PCDH15: variants seen among roughly 807,000 people sequenced by gnomAD.
The protein encoded by PCDH15 is protocadherin related 15.
A neutral mutation model predicts 178.5 loss-of-function variants in PCDH15; 129 were observed. That is an observed-to-expected ratio of 0.72 (90% CI 0.63 to 0.84). The LOEUF is 0.84. Ranked by LOEUF, PCDH15 falls within the 40% of genes least tolerant of loss-of-function variation. The pLI is 0.00. For synonymous variants in PCDH15, 800 were observed against 732.0 expected (o/e 1.09, Z -1.50); for missense variants, 2,230 against 2,099.9 (o/e 1.06, Z -1.21).
intron 18 of PCDH15, among the ~76,000 whole-genome samples, chr10:54,053,167 A>G (rs1014649419): frequency 6.6e-6 from 1 of 152,212 alleles, no homozygotes; most frequent in Non-Finnish European, 1.5e-5. Context: ...CATATATCCA[A>G]TATCAAAGCT....
rs572670582 is a variant in PCDH15, at chr10:55,430,871, T to G, written c.-156+196754A>C. 1.5e-3 allele frequency among the ~76,000 whole-genome samples: 234 copies of G among 152,266 alleles called. 2 individuals carry two copies. The highest frequency in any genetic ancestry group is 5.3e-3 in the African/African-American group (219 of 41,556). On this transcript the variant is annotated intron_variant, in intron 2 of 5. Transcript: ENST00000613346. Reference sequence around the variant, plus strand: ...GGAATTCACGACTACCCAGTTTATGTATAGAAAAAATGAAATGTTGAGAAA... The same window carrying G: ...GGAATTCACGACTACCCAGTTTATGGATAGAAAAAATGAAATGTTGAGAAA...
intron 2 of PCDH15, among the ~76,000 whole-genome samples, chr10:54,577,040 A>C (rs2133710929): frequency 6.6e-6 from 1 of 152,046 alleles, no homozygotes; most frequent in East Asian, 1.9e-4. Context: ...AGTGAAGATA[A>C]AAGAAGAGCA....
intron 1 of PCDH15, among the ~76,000 whole-genome samples, chr10:54,751,436 C>T (rs1454758911): frequency 7.2e-5 from 11 of 152,126 alleles, no homozygotes; most frequent in Non-Finnish European, 1.2e-4. Context: ...ATGGCACCTG[C>T]TAAATACATA....
chr10:54,307,007 TATATATAC>T (rs1424088751), intron 8 of PCDH15, among the ~76,000 whole-genome samples: 24 of 50,308 alleles, frequency 4.8e-4, no homozygotes, highest in Non-Finnish European at 7.1e-4. Context: ...TAAATATATA[TATATATAC>T]ATATATATAT....
chr10:54,761,881 A>G (rs541654862), intron 1 of PCDH15, among the ~76,000 whole-genome samples: 4 of 152,296 alleles, frequency 2.6e-5, no homozygotes, highest in African/African-American at 9.6e-5. Context: ...AATATTATTC[A>G]TAAGTAATTG....
At chr10:53,937,051 C>T (rs940680105) in intron 25 of PCDH15, among the ~76,000 whole-genome samples, 5 of 152,162 alleles carry the variant, frequency 3.3e-5, no homozygotes, top group Middle Eastern at 3.4e-3. Context: ...AATATTTTAG[C>T]TTTTAGACTT....
chr10:54,600,090 G>A (rs1253608640), intron 2 of PCDH15: 5 of 1,066,162 alleles, frequency 4.7e-6, no homozygotes, highest in South Asian at 2.7e-5. Flanking sequence ...AGGAATAGAA[G>A]GTAGAGAAAA....
chr10:54,118,252 T>C (rs963456157), intron 15 of PCDH15, among the ~76,000 whole-genome samples: 14 of 152,124 alleles, frequency 9.2e-5, no homozygotes, highest in African/African-American at 3.4e-4. Context: ...TCTGCAGCCA[T>C]CTGATCATTG....
At chr10:55,525,975 G>A (rs1333908697) in intron 2 of PCDH15, among the ~76,000 whole-genome samples, 3 of 151,902 alleles carry the variant, frequency 2.0e-5, no homozygotes, top group African/African-American at 7.2e-5. Flanking sequence ...TCATGAAAAT[G>A]AGTCATTAGA....
At chr10:54,021,068 A>G (rs2092906286) in intron 19 of PCDH15, among the ~76,000 whole-genome samples, 1 of 152,016 alleles carries the variant, frequency 6.6e-6, no homozygotes, top group South Asian at 2.1e-4. Context: ...CCTACAGGTT[A>G]TGGTCTCAGA....
At chr10:55,219,488 T>A (rs1840806945) in intron 1 of PCDH15, among the ~76,000 whole-genome samples, 1 of 151,826 alleles carries the variant, frequency 6.6e-6, no homozygotes, top group Non-Finnish European at 1.5e-5. Flanking sequence ...TTTTCTTGCA[T>A]ACATCGTATA....
At chr10:55,598,551 T>TATATATATATATATATAGATAGATAG (rs1842989601) in intron 2 of PCDH15, among the ~76,000 whole-genome samples, 1 of 64,912 alleles carries the variant, frequency 1.5e-5, no homozygotes, top group African/African-American at 7.6e-5. Flanking sequence ...TATATATATA[T>TATATATATATATATATAGATAGATAG]ATATATATAT....
chr10:54,379,515 G>A lies in PCDH15; in HGVS notation c.158-573C>T, dbSNP rs114466581. Among the ~76,000 whole-genome samples, 1,412 of 152,206 alleles carry A rather than the reference G, an allele frequency of 9.3e-3. 26 individuals are homozygous for A. Among genetic ancestry groups the A allele is most frequent in the African/African-American group, 0.032 (1,338 of 41,550 alleles). On this transcript the variant is annotated intron_variant, in intron 3 of 37. Coordinates refer to ENST00000644397, the MANE Select transcript of PCDH15 (RefSeq NM_001384140.1). ...TAGAAGCCATTCTTCTTTAAGACAT[G>A]TCTGGGTTACTCTACTAGAACAACG... is the stretch of plus-strand genomic sequence containing the variant.
intron 2 of PCDH15, among the ~76,000 whole-genome samples, chr10:55,478,157 C>T (rs1455172239): frequency 6.6e-6 from 1 of 151,514 alleles, no homozygotes; most frequent in Non-Finnish European, 1.5e-5. Context: ...ATTGATGCAC[C>T]TAAATACATG....
chr10:54,757,431 C>T (rs1392042015), intron 1 of PCDH15, among the ~76,000 whole-genome samples: 1 of 88,310 alleles, frequency 1.1e-5, no homozygotes, highest in Admixed American at 1.0e-4. Context: ...TACAGGCGCG[C>T]GCCACCATGC....
upstream of PCDH15, among the ~76,000 whole-genome samples, chr10:55,320,930 C>A (rs1250438251): frequency 6.6e-6 from 1 of 152,082 alleles, no homozygotes; most frequent in Non-Finnish European, 1.5e-5. Flanking sequence ...CCTATCCAGG[C>A]TGAAATGGCT....
rs564639040 is a variant in PCDH15, at chr10:53,810,495, G to A, written c.4671+61C>T. 1.2e-4 allele frequency: 181 copies of A among 1,451,466 alleles called. 1 individual carries two copies. In the South Asian group the frequency reaches 1.6e-3, roughly 13 times the overall value. 89.9% of individuals were successfully genotyped at this position (1,451,466 alleles called of 1,614,324 possible). A position where few individuals can be genotyped will look rare whatever the true frequency, so the allele number is the denominator to read the frequency against. On this transcript the variant is annotated intron_variant, in intron 37 of 37. Transcript: ENST00000644397. Reference sequence around the variant, plus strand: ...GAAATGTTCTACAGCCGCTAGTCACGTAGGGTTAAACAATATTTTTCTTGG... The same window carrying A: ...GAAATGTTCTACAGCCGCTAGTCACATAGGGTTAAACAATATTTTTCTTGG...
Position 53,811,619 on chromosome 10 carries a change from C to A in PCDH15, c.4492G>T (p.Glu1498Ter). The change falls in exon 36 of 38, where the codon GAA becomes TAA. Residue 1498 changes from glutamate (E) to a stop codon, truncating the protein, a stop_gained and splice_region_variant. Transcript: ENST00000644397. LOFTEE classifies it high-confidence loss of function. ...TCAATTCCAGACTCCATGGATAATT[C>A]CTATTGTTCAAAAAGAAAAATTGCA... The part of the protein sequence containing the change: ...LLRPSLLKPE[E>*]LSMESGIDPG... 1 of 1,540,850 alleles carries A rather than the reference C, an allele frequency of 6.5e-7. No homozygotes were observed. The highest frequency in any genetic ancestry group is 2.4e-5 in the East Asian group (1 of 41,894).
At chr10:53,822,606 A>C (rs1478904462) in intron 32 of PCDH15, 1 of 1,614,074 alleles carries the variant, frequency 6.2e-7, no homozygotes, top group South Asian at 1.1e-5. Context: ...AGAATGTAAA[A>C]CACAAGGCCT....
Sources: gnomAD v4.1 joint callset for allele counts (sites outside exome capture counted in the v4.1 genomes callset) on GRCh38, gnomAD v4.1.1 for gene constraint, MANE v1.5 for transcripts, NCBI Gene and HGNC (gene_info 2026-07-23, HGNC 2026-07-21) for gene names.